The following LRRC56 variants were observed in gnomAD, a reference collection of about 807,000 sequenced individuals.
LRRC56 encodes leucine rich repeat containing 56.
LRRC56 carries 41 observed loss-of-function variants against 47.8 expected under a neutral mutation model. That is an observed-to-expected ratio of 0.86 (90% CI 0.67 to 1.11). The LOEUF (loss-of-function observed/expected upper bound fraction) is 1.11. LRRC56 is among the 50% of genes most tolerant of loss of function. The probability of loss-of-function intolerance (pLI) is 0.00; values close to 1 mark genes in which losing one functional copy is unlikely to be tolerated. For missense variants in LRRC56, 759 were observed against 704.2 expected (o/e 1.08, Z -0.88); for synonymous variants, 387 against 311.2 (o/e 1.24, Z -2.56).
At chr11:532,771 T>TGGGATCAGGAGGGAC, upstream of LRRC56, 1 of 1,611,466 alleles carries the variant, frequency 6.2e-7, no homozygotes, top group Non-Finnish European at 8.5e-7. Context: ...AAAGGAGGGA[T>TGGGATCAGGAGGGAC]GGGATCAGGA....
Position 541,066 on chromosome 11 carries a change from C to T in LRRC56, c.177+205C>T, listed in dbSNP as rs1851768092. 6.6e-6 allele frequency among the ~76,000 whole-genome samples: 1 copy of T among 152,144 alleles called. No individual in the cohort carries two copies. The highest frequency in any genetic ancestry group is 6.5e-5 in the Admixed American group (1 of 15,270). On this transcript the variant is annotated intron_variant, in intron 4 of 13. Transcript: ENST00000270115. This position sits in a 1 kb window ranked among gnomAD's most constrained non-coding sequence, Gnocchi z 4.1. ...CCCCTACCAGGCCCCAAAACACCAG[C>T]AACACCAGGTGCTCAGTGACACAGA...
At position 552,162 on chromosome 11, in the gene LRRC56, C is replaced by G. The variant is rs771945916; in HGVS notation, c.1111C>G (p.Pro371Ala). 6.2e-6 allele frequency: 10 copies of G among 1,612,536 alleles called. No individual in the cohort carries two copies. In the East Asian group the frequency reaches 2.2e-4, roughly 36 times the overall value. ...DPAASTSTPE[P>A]DPADSSDFLA... ...GGCCGCCAGCACTTCCACCCCAGAG[C>G]CTGACCCTGCAGACAGCTCTGACTT... The change falls in exon 12 of 14, where the codon CCT becomes GCT. Residue 371 changes from proline (P) to alanine (A), a missense_variant. Transcript: ENST00000270115.
At chr11:515,439 T>C in the LRRC56 span, among the ~76,000 whole-genome samples, 173 of 150,372 alleles carry the variant, frequency 1.2e-3, 4 homozygotes, top group East Asian at 0.032. Context: ...TTATGTGTCA[T>C]GCTTTTAGTG....
At chr11:518,054 A>G in the LRRC56 span, among the ~76,000 whole-genome samples, 2 of 152,216 alleles carry the variant, frequency 1.3e-5, no homozygotes, top group East Asian at 1.9e-4. Flanking sequence ...ACCTCTGCCT[A>G]GGAAAACCAG....
chr11:545,601 A>G (rs1298309634), intron 6 of LRRC56, among the ~76,000 whole-genome samples: 1 of 152,228 alleles, frequency 6.6e-6, no homozygotes, highest in African/African-American at 2.4e-5. Flanking sequence ...GCCTGTGTAC[A>G]GAACCCGGAC....
At chr11:545,256 GC>G (rs1269111319) in intron 6 of LRRC56, among the ~76,000 whole-genome samples, 2 of 152,234 alleles carry the variant, frequency 1.3e-5, no homozygotes, top group Admixed American at 6.5e-5. Flanking sequence ...CCACAAAGGT[GC>G]CCCTGACCTG....
chr11:551,812 A>G lies in LRRC56; in HGVS notation c.958A>G (p.Ser320Gly). 1 of 1,607,664 alleles carries G rather than the reference A, an allele frequency of 6.2e-7. No individual in the cohort carries two copies. Among genetic ancestry groups the G allele is most frequent in the East Asian group, 2.2e-5 (1 of 44,752 alleles). ...SEDLAPEDNTSSLTHGAGQVL... is the reference protein window; with the variant it reads ...SEDLAPEDNTGSLTHGAGQVL... ...GGACCTGGCCCCAGAAGATAACACC[A>G]GCAGCCTCACCCATGGTAACTGACT... Residue 320 changes from serine to glycine, a missense_variant, in exon 10 of 14, where the codon AGC (serine) becomes GGC (glycine). By Grantham distance (56) the Ser-to-Gly change is moderately conservative. Coordinates refer to ENST00000270115, the MANE Select transcript of LRRC56 (RefSeq NM_198075.4).
chr11:539,532 C>T (rs1356945590), intron 2 of LRRC56, 48 bp from the exon 3 acceptor site: 1 of 151,398 alleles, frequency 6.6e-6, no homozygotes, highest in African/African-American at 2.4e-5. Context: ...CTACAGGCAC[C>T]TGCCACCACG....
chr11:551,241 G>A lies in LRRC56; in HGVS notation c.735G>A (p.Leu245=). Residue 245 remains leucine (L), a synonymous_variant, in exon 9 of 14, where the codon CTG becomes CTA. Coordinates refer to ENST00000270115, the MANE Select transcript of LRRC56 (RefSeq NM_198075.4). ...AHTGPPAPPR[L]SQDWLAVKEA... ...CAGGCCCACCGGCCCCCCCGCGGCT[G>A]AGCCAGGACTGGCTTGCGGTGAAGG... 6.5e-7 allele frequency: 1 copy of A among 1,545,316 alleles called. No homozygotes were observed. The highest frequency in any genetic ancestry group is 8.7e-7 in the Non-Finnish European group (1 of 1,143,784).
At chr11:534,624 C>CA, upstream of LRRC56, 1 of 504,750 alleles carries the variant, frequency 2.0e-6, no homozygotes, top group Non-Finnish European at 3.6e-6. Context: ...GCAGGGCTGA[C>CA]AGCTGAGCGC....
intron 13 of LRRC56, among the ~76,000 whole-genome samples, chr11:553,412 G>C (rs1463201258): frequency 1.3e-5 from 2 of 152,158 alleles, no homozygotes; most frequent in African/African-American, 2.4e-5. Context: ...CCATATGGTG[G>C]TGGGTGTCTG....
the LRRC56 span, among the ~76,000 whole-genome samples, chr11:519,240 T>TGATACACAGGTGAGCTTTATTAGAACGC: frequency 1.8e-4 from 27 of 147,406 alleles, 3 homozygotes; most frequent in Non-Finnish European, 2.9e-4. Flanking sequence ...TAAAGGAACG[T>TGATACACAGGTGAGCTTTATTAGAACGC]GGCCTGATAC....
Position 552,354 on chromosome 11 carries a change from TC to T in LRRC56, c.1181+125del, listed in dbSNP as rs113832210. ...TCGTGGACCATCCCTGCATGTCCTG[TC>T]CCGTGGGGGGATCAGGGCTGGGGCT... On this transcript the variant is annotated intron_variant, in intron 12 of 13. Coordinates refer to ENST00000270115, the MANE Select transcript of LRRC56 (RefSeq NM_198075.4). The T allele has an allele frequency of 1.3e-5, 18 of 1,385,504 alleles. No individual in the cohort carries two copies. In the African/African-American group the frequency reaches 1.6e-4, roughly 12 times the overall value. 85.8% of individuals were successfully genotyped at this position (1,385,504 alleles called of 1,614,324 possible). A position where few individuals can be genotyped will look rare whatever the true frequency, so the allele number is the denominator to read the frequency against.
Position 547,074 on chromosome 11 carries a change from G to T in LRRC56, c.326+2294G>T, listed in dbSNP as rs187181074. The stretch of plus-strand genomic sequence containing the variant: ...CTCCATCTCAAAAAAAAAAAAATTA[G>T]CTGGGCTTGGGCTTGGGCTTGGCGG... On this transcript the variant is annotated intron_variant, in intron 6 of 13. Coordinates refer to ENST00000270115, the MANE Select transcript of LRRC56 (RefSeq NM_198075.4). Among the ~76,000 whole-genome samples, 472 of 151,274 alleles carry T rather than the reference G, an allele frequency of 3.1e-3. 2 individuals carry two copies. Among genetic ancestry groups the T allele is most frequent in the African/African-American group, 0.01 (425 of 41,310 alleles).
the LRRC56 span, among the ~76,000 whole-genome samples, chr11:526,739 C>G: frequency 6.6e-6 from 1 of 151,080 alleles, no homozygotes; most frequent in Non-Finnish European, 1.5e-5. Flanking sequence ...GAGTTGGAGA[C>G]CAGCCTGGCC....
the LRRC56 span, among the ~76,000 whole-genome samples, chr11:515,025 A>G: frequency 6.6e-6 from 1 of 152,234 alleles, no homozygotes; most frequent in African/African-American, 2.4e-5. Context: ...TTTGACAGAA[A>G]GACTTGAAAG....
At chr11:547,282 A>AG (rs1852131573) in intron 6 of LRRC56, among the ~76,000 whole-genome samples, 1 of 152,032 alleles carries the variant, frequency 6.6e-6, no homozygotes, top group African/African-American at 2.4e-5. Context: ...CCCCTAATAC[A>AG]AGAGTAAATG....
rs1564805053 is a variant in LRRC56 at position 549,999 on chromosome 11, G to A, written c.423+1G>A. 1.9e-6 allele frequency: 3 copies of A among 1,612,704 alleles called. No individual in the cohort carries two copies. The South Asian group carries it at 3.3e-5, about 18-fold the overall frequency. On this transcript the variant is annotated splice_donor_variant, in intron 7 of 13. Transcript: ENST00000270115. LOFTEE classifies it high-confidence loss of function. ...CATCGCCTCTTTGCCAGCACTTAAGGTGAGTCTGGGCACCCTGGGCTGGGG... is the reference window on the plus strand; with the variant it reads ...CATCGCCTCTTTGCCAGCACTTAAGATGAGTCTGGGCACCCTGGGCTGGGG...
At chr11:523,787 G>C in the LRRC56 span, among the ~76,000 whole-genome samples, 88 of 152,064 alleles carry the variant, frequency 5.8e-4, no homozygotes, top group Non-Finnish European at 9.1e-4. Flanking sequence ...AATTAGCCGG[G>C]TGTGGTGGCG....
Sources: gnomAD v4.1 joint callset for allele counts (sites outside exome capture counted in the v4.1 genomes callset) on GRCh38, gnomAD v4.1.1 for gene constraint, Gnocchi (gnomAD v3.1) non-coding constraint, MANE v1.5 for transcripts, NCBI Gene and HGNC (gene_info 2026-07-23, HGNC 2026-07-21) for gene names.